The following RAD51 variants were observed in gnomAD, a reference collection of about 807,000 sequenced individuals.
The protein encoded by RAD51 is RAD51 recombinase.
A neutral mutation model predicts 41.5 loss-of-function variants in RAD51; 14 were observed. The observed-to-expected ratio is 0.34, with a 90% CI of 0.22 to 0.53. The LOEUF (loss-of-function observed/expected upper bound fraction) is 0.53. RAD51 is among the 20% of genes least tolerant of loss of function. The pLI is 0.95. For synonymous variants in RAD51, 136 were observed against 148.6 expected (o/e 0.92, Z 0.62); for missense variants, 234 against 422.0 (o/e 0.55, Z 3.90).
intron 1 of RAD51, among the ~76,000 whole-genome samples, chr15:40,696,865 TC>T (rs1419177279): frequency 6.6e-6 from 1 of 152,232 alleles, no homozygotes; most frequent in Non-Finnish European, 1.5e-5. Context: ...ATGTTGGACA[TC>T]TGTTCATATG....
chr15:40,704,353 C>T (rs184876031), intron 3 of RAD51, among the ~76,000 whole-genome samples: 109 of 147,960 alleles, frequency 7.4e-4, no homozygotes, highest in Admixed American at 4.8e-4. Context: ...CGTGAGCCAC[C>T]GCGCCAGGCC....
At position 40,729,911 on chromosome 15, in the gene RAD51, T is replaced by A; in HGVS notation, c.833T>A (p.Met278Lys). The A allele has an allele frequency of 1.2e-6, 2 of 1,613,912 alleles. No individual in the cohort carries two copies. Among genetic ancestry groups the A allele is most frequent in the Non-Finnish European group, 1.7e-6 (2 of 1,179,770 alleles). The change falls in exon 9 of 10, where the codon ATG (methionine) becomes AAG (lysine). Residue 278 changes from methionine to lysine, a missense_variant. This residue lies in a region of RAD51 where 134 missense variants were observed against 286.5 expected (regional missense o/e 0.47). Coordinates refer to ENST00000267868, the MANE Select transcript of RAD51 (RefSeq NM_002875.5). ...QVVAQVDGAA[M>K]FAADPKKPIG... is the part of the protein sequence containing the mutation. Reference sequence around the variant, plus strand: ...GTAGCTCAAGTGGATGGAGCAGCGATGTTTGCTGCTGATCCCAAAAAACCT... The same window carrying A: ...GTAGCTCAAGTGGATGGAGCAGCGAAGTTTGCTGCTGATCCCAAAAAACCT...
At chr15:40,699,629 T>G (rs926768528) in intron 2 of RAD51, among the ~76,000 whole-genome samples, 1 of 152,220 alleles carries the variant, frequency 6.6e-6, no homozygotes, top group African/African-American at 2.4e-5. Flanking sequence ...AGTGCTGTTC[T>G]GGGAATTATA....
intron 5 of RAD51, 33 bp from the exon 6 acceptor site, chr15:40,718,772 G>T: frequency 1.3e-6 from 2 of 1,520,502 alleles, no homozygotes; most frequent in Non-Finnish European, 1.8e-6. Context: ...GAAATACAAT[G>T]TTCATTTCTA....
chr15:40,699,517 C>T (rs1280591917), intron 2 of RAD51, among the ~76,000 whole-genome samples: 1 of 152,154 alleles, frequency 6.6e-6, no homozygotes. Flanking sequence ...AACTCCTGGC[C>T]TCAAGCAGTC....
intron 9 of RAD51, among the ~76,000 whole-genome samples, chr15:40,730,591 G>A (rs780277924): frequency 2.8e-5 from 4 of 140,456 alleles, no homozygotes; most frequent in Admixed American, 1.6e-4. Flanking sequence ...GCACGATCTC[G>A]GCTCACTGCA....
intron 5 of RAD51, among the ~76,000 whole-genome samples, chr15:40,711,904 A>G (rs1054210279): frequency 4.0e-5 from 6 of 151,836 alleles, no homozygotes; most frequent in Non-Finnish European, 5.9e-5. Context: ...GCAAGACCCT[A>G]TCTCTACAAA....
In RAD51 at chr15:40,731,344, G is replaced by A; in HGVS notation, c.*166G>A. 2.4e-6 allele frequency: 2 copies of A among 822,786 alleles called. No homozygotes were observed. The highest frequency in any genetic ancestry group is 1.9e-6 in the Non-Finnish European group (1 of 514,016). The allele number at this position is 822,786 out of a possible 1,614,324, so 51.0% of individuals were successfully genotyped here. Reference sequence around the variant, plus strand: ...TTTCTGATGGTATAAACAGGAGACAGGTCAGTAGTCACAAACTGATCTAAA... The same window carrying A: ...TTTCTGATGGTATAAACAGGAGACAAGTCAGTAGTCACAAACTGATCTAAA... On this transcript the variant is annotated 3_prime_UTR_variant, in exon 10 of 10. Coordinates refer to ENST00000267868, the MANE Select transcript of RAD51 (RefSeq NM_002875.5).
chr15:40,705,654 GAGTAC>G (rs1355689175), intron 3 of RAD51, among the ~76,000 whole-genome samples: 1 of 152,172 alleles, frequency 6.6e-6, no homozygotes, highest in Non-Finnish European at 1.5e-5. Flanking sequence ...CCCCAGGCTG[GAGTAC>G]AGTGGCGCGA....
At chr15:40,701,341 T>C (rs1412564222) in intron 3 of RAD51, 140 bp downstream of exon 3, 5 of 951,506 alleles carry the variant, frequency 5.3e-6, no homozygotes, top group Non-Finnish European at 7.9e-6. Flanking sequence ...CCTGTTTCTT[T>C]TCTTCTTTTC....
intron 9 of RAD51, among the ~76,000 whole-genome samples, chr15:40,730,522 T>TTTTTTTTTTTTTCTTTTC (rs1896822489): frequency 1.1e-5 from 1 of 87,162 alleles, no homozygotes; most frequent in Non-Finnish European, 2.0e-5. Flanking sequence ...TTTTTTTTCT[T>TTTTTTTTTTTTTCTTTTC]TTTTTTTTTT....
Position 40,731,094 on chromosome 15 carries a change from C to T in RAD51, c.936C>T (p.Cys312=), listed in dbSNP as rs1896857892. The change falls in exon 10 of 10, where the codon TGC becomes TGT. Residue 312 remains cysteine (C), a synonymous_variant. Coordinates refer to ENST00000267868, the MANE Select transcript of RAD51 (RefSeq NM_002875.5). ...LRKGRGETRI[C]KIYDSPCLPE... is the part of the protein sequence containing the mutation. The stretch of plus-strand genomic sequence containing the variant: ...AAGGAAGAGGGGAAACCAGAATCTG[C>T]AAAATCTACGACTCTCCCTGTCTTC... 6.2e-7 allele frequency: 1 copy of T among 1,614,102 alleles called. No individual in the cohort carries two copies. The highest frequency in any genetic ancestry group is 8.5e-7 in the Non-Finnish European group (1 of 1,179,984).
At chr15:40,712,639 G>A (rs1304139055) in intron 5 of RAD51, among the ~76,000 whole-genome samples, 1 of 152,130 alleles carries the variant, frequency 6.6e-6, no homozygotes, top group Non-Finnish European at 1.5e-5. Context: ...CCATGCCCAT[G>A]GACCAACTCT....
upstream of RAD51, chr15:40,694,963 T>A (rs1222733960): frequency 6.6e-6 from 1 of 152,402 alleles, no homozygotes; most frequent in East Asian, 1.9e-4. Context: ...CAGCTGGGAC[T>A]ACACGCGTGA....
At chr15:40,706,360 AC>A in intron 4 of RAD51, 66 bp downstream of exon 4, 1 of 1,273,392 alleles carries the variant, frequency 7.9e-7, no homozygotes, top group South Asian at 1.2e-5. Flanking sequence ...ATAAAACAAA[AC>A]TGAAATATTT....
rs752799963 is a variant in RAD51, at chr15:40,701,215, A to G, written c.225+14A>G. On this transcript the variant is annotated intron_variant, in intron 3 of 9. Coordinates refer to ENST00000267868, the MANE Select transcript of RAD51 (RefSeq NM_002875.5). ...GATAAAATTCTGGTAAGTACTGCTT[A>G]CTTAACCTAGGGAGGCATTAGTGGG... 3.1e-6 allele frequency: 5 copies of G among 1,613,908 alleles called. No homozygotes were observed. Among genetic ancestry groups the G allele is most frequent in the Non-Finnish European group, 4.2e-6 (5 of 1,179,776 alleles).
chr15:40,727,885 A>G (rs11633367), intron 6 of RAD51, among the ~76,000 whole-genome samples: 20,114 of 139,596 alleles, frequency 0.14, 2,260 homozygotes, highest in East Asian at 0.52. Flanking sequence ...TTTGAGATGG[A>G]ATCTCACTCT....
chr15:40,697,979 T>C (rs1894754606), intron 1 of RAD51, among the ~76,000 whole-genome samples: 1 of 152,206 alleles, frequency 6.6e-6, no homozygotes, highest in African/African-American at 2.4e-5. Flanking sequence ...AATACTCGCT[T>C]CTGGCTATTT....
chr15:40,728,685 T>TA (rs945595176), intron 6 of RAD51, 26 bp from the exon 7 acceptor site: 1 of 1,593,008 alleles, frequency 6.3e-7, no homozygotes, highest in African/African-American at 1.3e-5. Flanking sequence ...GTGTGCAGCC[T>TA]AAAAATGTTC....
Sources: allele counts gnomAD v4.1 joint callset (sites outside exome capture counted in the v4.1 genomes callset), GRCh38; gene constraint gnomAD v4.1.1; regional missense constraint gnomAD v4.1.1; transcripts MANE v1.5; gene names NCBI Gene and HGNC (gene_info 2026-07-23, HGNC 2026-07-21).